The following NEK11 variants were observed in gnomAD, a reference collection of about 807,000 sequenced individuals.
The protein encoded by NEK11 is NIMA related kinase 11, also known as serine/threonine-protein kinase Nek11.
In NEK11, 72 loss-of-function variants were observed where a neutral mutation model predicts 80.7. The ratio of observed to expected loss-of-function variants is 0.89; its 90% CI spans 0.74 to 1.08. NEK11 has a LOEUF of 1.08. Ranked by LOEUF, NEK11 falls within the 50% of genes least tolerant of loss-of-function variation. The pLI is 0.00. For synonymous variants in NEK11, 251 were observed against 260.7 expected, an observed-to-expected ratio of 0.96 and a Z score of 0.36; for missense variants, 764 against 763.6, an observed-to-expected ratio of 1.00 and a Z score of -0.01.
intron 17 of NEK11, among the ~76,000 whole-genome samples, chr3:131,291,411 G>A (rs2051194444): frequency 1.3e-5 from 2 of 151,914 alleles, no homozygotes; most frequent in Admixed American, 6.6e-5. Context: ...TTCTCTCTGT[G>A]GACATATTTT....
intron 14 of NEK11, among the ~76,000 whole-genome samples, chr3:131,214,610 G>A (rs117258405): frequency 1.3e-5 from 2 of 152,016 alleles, no homozygotes. Flanking sequence ...TGACATATAG[G>A]ATAAAAGTGC....
chr3:131,032,968 T>G (rs2065094798), intron 3 of NEK11, among the ~76,000 whole-genome samples: 1 of 152,192 alleles, frequency 6.6e-6, no homozygotes, highest in Non-Finnish European at 1.5e-5. Flanking sequence ...TACTTTTAAA[T>G]GAGAAAAATT....
At chr3:131,288,091 T>G (rs549419051) in intron 17 of NEK11, among the ~76,000 whole-genome samples, 1 of 152,238 alleles carries the variant, frequency 6.6e-6, no homozygotes, top group Non-Finnish European at 1.5e-5. Context: ...ACCCATTTCA[T>G]GACCATGACA....
At chr3:131,313,969 G>GAAAT (rs1402744151) in intron 17 of NEK11, among the ~76,000 whole-genome samples, 2 of 152,160 alleles carry the variant, frequency 1.3e-5, no homozygotes, top group Admixed American at 1.3e-4. Context: ...AATATATTGG[G>GAAAT]AAATAGATGT....
chr3:131,162,969 T>C (rs2091815162), intron 11 of NEK11, among the ~76,000 whole-genome samples: 2 of 152,186 alleles, frequency 1.3e-5, no homozygotes, highest in African/African-American at 2.4e-5. Context: ...AGAAGTAGAC[T>C]GGAAACAGAG....
chr3:131,203,668 A>G (rs931524541), intron 14 of NEK11, among the ~76,000 whole-genome samples: 9 of 148,554 alleles, frequency 6.1e-5, no homozygotes, highest in African/African-American at 2.2e-4. Flanking sequence ...ACACACATAT[A>G]TAAAGTACAC....
chr3:131,339,208 A>G (rs922863059), intron 17 of NEK11, among the ~76,000 whole-genome samples: 8 of 152,148 alleles, frequency 5.3e-5, no homozygotes, highest in African/African-American at 1.9e-4. Context: ...CATGACTCAC[A>G]AAGTGTCTAT....
intron 15 of NEK11, among the ~76,000 whole-genome samples, chr3:131,242,121 C>G (rs1410576054): frequency 6.6e-6 from 1 of 152,014 alleles, no homozygotes; most frequent in Non-Finnish European, 1.5e-5. Context: ...AAAGCAATGT[C>G]TAATTCATTA....
intron 5 of NEK11, among the ~76,000 whole-genome samples, chr3:131,127,253 CTG>C: frequency 6.6e-6 from 1 of 152,188 alleles, no homozygotes; most frequent in Middle Eastern, 3.4e-3. Flanking sequence ...GCGTGAGCCA[CTG>C]TGCCTAGCCT....
At chr3:131,199,131 G>A (rs1013317133) in intron 14 of NEK11, among the ~76,000 whole-genome samples, 1 of 151,926 alleles carries the variant, frequency 6.6e-6, no homozygotes, top group Non-Finnish European at 1.5e-5. Context: ...TTTCTATATA[G>A]CAAAAGACAT....
intron 11 of NEK11, among the ~76,000 whole-genome samples, chr3:131,164,829 A>G (rs2092046408): frequency 6.6e-6 from 1 of 152,192 alleles, no homozygotes; most frequent in South Asian, 2.1e-4. Flanking sequence ...CGTTTTAGAG[A>G]CAAGGGAGTT....
intron 16 of NEK11, among the ~76,000 whole-genome samples, chr3:131,247,209 C>T (rs539184936): frequency 5.3e-5 from 8 of 152,032 alleles, no homozygotes; most frequent in African/African-American, 1.4e-4. Flanking sequence ...AGTGTCTACA[C>T]GGGTTTTTTC....
At chr3:131,199,041 C>A (rs939814590) in intron 14 of NEK11, among the ~76,000 whole-genome samples, 6 of 152,108 alleles carry the variant, frequency 3.9e-5, no homozygotes, top group Admixed American at 2.0e-4. Context: ...ACGTATTTAA[C>A]CTGCTATGAG....
chr3:131,124,692 A>G (rs977684302), intron 5 of NEK11, among the ~76,000 whole-genome samples: 1 of 152,198 alleles, frequency 6.6e-6, no homozygotes, highest in Non-Finnish European at 1.5e-5. Context: ...GTTAGTAAAT[A>G]CTGTTGTTCT....
At chr3:131,319,414 C>T (rs781188487) in intron 17 of NEK11, among the ~76,000 whole-genome samples, 3 of 152,102 alleles carry the variant, frequency 2.0e-5, no homozygotes, top group Non-Finnish European at 4.4e-5. Flanking sequence ...GACATTGAAA[C>T]ACACAATTAC....
At chr3:131,085,040 G>A (rs919006784) in intron 4 of NEK11, among the ~76,000 whole-genome samples, 2 of 152,206 alleles carry the variant, frequency 1.3e-5, no homozygotes, top group Admixed American at 6.5e-5. Context: ...AAGAGAGTCT[G>A]GCCCTGTAGT....
intron 4 of NEK11, among the ~76,000 whole-genome samples, chr3:131,102,441 G>A (rs1201162213): frequency 6.6e-6 from 1 of 152,094 alleles, no homozygotes; most frequent in South Asian, 2.1e-4. Context: ...ATGAATCTTT[G>A]TTTGATGAGA....
At chr3:131,179,721 A>T (rs2093241756) in intron 14 of NEK11, among the ~76,000 whole-genome samples, 1 of 152,208 alleles carries the variant, frequency 6.6e-6, no homozygotes, top group Non-Finnish European at 1.5e-5. Flanking sequence ...ACCATATTTC[A>T]TCCAGTCTAA....
intron 14 of NEK11, among the ~76,000 whole-genome samples, chr3:131,222,514 A>G (rs1010546766): frequency 1.3e-5 from 2 of 152,196 alleles, no homozygotes; most frequent in Non-Finnish European, 2.9e-5. Flanking sequence ...TTATACCTCT[A>G]TGGAGATTTT....
Sources: gnomAD v4.1 joint callset for allele counts (sites outside exome capture counted in the v4.1 genomes callset) on GRCh38, gnomAD v4.1.1 for gene constraint, MANE v1.5 for transcripts, NCBI Gene and HGNC (gene_info 2026-07-23, HGNC 2026-07-21) for gene names.